Variants in ATP11B observed in about 807,000 individuals in gnomAD.
ATP11B encodes phospholipid-transporting ATPase IF.
A neutral mutation model predicts 157.8 loss-of-function variants in ATP11B; 81 were observed. The ratio of observed to expected loss-of-function variants is 0.51; its 90% confidence interval spans 0.43 to 0.62. The LOEUF (loss-of-function observed/expected upper bound fraction) is 0.62, where lower values mean the gene tolerates loss of function less well. Ranked by LOEUF, ATP11B falls within the 20% of genes least tolerant of loss-of-function variation. The pLI, the probability that ATP11B is intolerant of heterozygous loss-of-function variation, is 0.00. For missense variants in ATP11B, 1,165 were observed against 1,402.2 expected (o/e 0.83, Z 2.70); for synonymous variants, 451 against 469.4 (o/e 0.96, Z 0.51).
At chr3:182,800,004 G>A (rs1234548838) in intron 1 of ATP11B, among the ~76,000 whole-genome samples, 2 of 152,036 alleles carry the variant, frequency 1.3e-5, no homozygotes, top group African/African-American at 4.8e-5. Context: ...CAGCTACTTG[G>A]GAGACTGAGG....
At chr3:182,819,247 T>C (rs1427339599) in intron 1 of ATP11B, among the ~76,000 whole-genome samples, 1 of 151,728 alleles carries the variant, frequency 6.6e-6, no homozygotes, top group Non-Finnish European at 1.5e-5. Context: ...TTTTTTTGTA[T>C]TTTTTAGTAG....
chr3:182,867,479 G>T, intron 15 of ATP11B, 35 bp downstream of exon 15: 1 of 1,360,246 alleles, frequency 7.4e-7, no homozygotes. Flanking sequence ...TGTTTTCTGT[G>T]TTAAGTGTAT....
intron 8 of ATP11B, 72 bp from the exon 9 acceptor site, chr3:182,845,386 G>C (rs1719432280): frequency 1.5e-6 from 2 of 1,300,944 alleles, no homozygotes; most frequent in Non-Finnish European, 2.1e-6. Context: ...ACCTTCTGCT[G>C]AAGATGCCAT....
intron 25 of ATP11B, among the ~76,000 whole-genome samples, chr3:182,895,394 A>G (rs1577091701): frequency 2.6e-5 from 4 of 152,304 alleles, no homozygotes; most frequent in Admixed American, 2.6e-4. Flanking sequence ...CTGATTGCCT[A>G]TTATATACCA....
intron 10 of ATP11B, among the ~76,000 whole-genome samples, chr3:182,851,355 G>C (rs1719963856): frequency 6.6e-6 from 1 of 152,098 alleles, no homozygotes; most frequent in Non-Finnish European, 1.5e-5. Context: ...TTAATTTTGT[G>C]TATTTTTTTT....
chr3:182,853,301 G>A (rs1002622395), intron 10 of ATP11B, among the ~76,000 whole-genome samples: 7 of 152,022 alleles, frequency 4.6e-5, no homozygotes, highest in East Asian at 1.9e-4. Context: ...TCCGCCTCCC[G>A]GGTTCAAGCG....
chr3:182,896,649 C>A, intron 25 of ATP11B, 51 bp from the exon 26 acceptor site: 1 of 1,455,380 alleles, frequency 6.9e-7, no homozygotes. Flanking sequence ...TTTTACCTGA[C>A]ATTTAACATT....
At chr3:182,800,444 T>C (rs1715924792) in intron 1 of ATP11B, among the ~76,000 whole-genome samples, 1 of 151,720 alleles carries the variant, frequency 6.6e-6, no homozygotes, top group African/African-American at 2.4e-5. Context: ...CCCAGGCTGG[T>C]CTCAGACTCC....
intron 28 of ATP11B, among the ~76,000 whole-genome samples, chr3:182,906,314 T>G (rs889134704): frequency 6.6e-6 from 1 of 152,212 alleles, no homozygotes; most frequent in Non-Finnish European, 1.5e-5. Flanking sequence ...TTACCCATCT[T>G]AATATAGTTG....
rs185233479 is a variant in ATP11B, at chr3:182,905,653, G to A, written c.3318+6881G>A. 684 of 381,042 alleles carry A rather than the reference G, an allele frequency of 1.8e-3. 4 individuals are homozygous for A. Among genetic ancestry groups the A allele is most frequent in the Non-Finnish European group, 2.2e-3 (418 of 186,690 alleles). The allele number at this position is 381,042 out of a possible 1,614,324, so 23.6% of individuals were successfully genotyped here. ...AAGAAGTTCCCATTAGCCCTCTTTTGTGACAGTAAATGTACTGTTCTTTGA... is the reference window on the plus strand; with the variant it reads ...AAGAAGTTCCCATTAGCCCTCTTTTATGACAGTAAATGTACTGTTCTTTGA... On this transcript the variant is annotated intron_variant, in intron 28 of 29. Coordinates refer to ENST00000323116, the MANE Select transcript of ATP11B (RefSeq NM_014616.3).
rs373103856 is a variant in ATP11B, at chr3:182,872,506, A to C, written c.2017A>C (p.Ile673Leu). 5.0e-6 allele frequency: 8 copies of C among 1,613,714 alleles called. No homozygotes were observed. The highest frequency in any genetic ancestry group is 2.2e-5 in the South Asian group (2 of 91,022). ...TTTCCAGTTCATAGAGAAAGACCTG[A>C]TATTACTTGGAGCCACAGCAGTAGA... is the stretch of plus-strand genomic sequence containing the variant. ...AVFQFIEKDL[I>L]LLGATAVEDR... The change falls in exon 18 of 30, where the codon ATA becomes CTA. Residue 673 changes from isoleucine to leucine, a missense_variant. Ile to Leu is a conservative substitution (Grantham distance 5, BLOSUM62 2). Around this residue, in one of 4 missense-constraint regions of ATP11B, gnomAD observed 737 missense variants for 930.5 expected, o/e 0.79. Coordinates refer to ENST00000323116, the MANE Select transcript of ATP11B (RefSeq NM_014616.3).
rs145283108 is a variant in ATP11B, at chr3:182,865,569, C to A, written c.1314C>A (p.Pro438=). ...AAGAAATTAATGGTAGACTTGTACCCGAAGGACCAACACCAGACTCTTCAG... is the reference window on the plus strand; with the variant it reads ...AAGAAATTAATGGTAGACTTGTACCAGAAGGACCAACACCAGACTCTTCAG... ...KYQEINGRLV[P]EGPTPDSSEG... The change falls in exon 13 of 30, where the codon CCC becomes CCA. Residue 438 remains proline (P), a synonymous_variant. Transcript: ENST00000323116. 1.9e-6 allele frequency: 3 copies of A among 1,613,746 alleles called. No homozygotes were observed. Among genetic ancestry groups the A allele is most frequent in the African/African-American group, 2.7e-5 (2 of 74,984 alleles).
chr3:182,910,073 G>GAAAAAAAAAAAAAAAAA (rs34483660), intron 28 of ATP11B, among the ~76,000 whole-genome samples: 1 of 63,388 alleles, frequency 1.6e-5, no homozygotes, highest in Non-Finnish European at 3.4e-5. Flanking sequence ...TCGGCCTCCA[G>GAAAAAAAAAAAAAAAAA]AAAAAAAAAA....
intron 25 of ATP11B, among the ~76,000 whole-genome samples, chr3:182,894,291 A>G (rs1723369946): frequency 6.6e-6 from 1 of 152,340 alleles, no homozygotes. Flanking sequence ...CATAGAAGCA[A>G]TTCTCCTGCC....
chr3:182,877,365 C>T (rs981856496), intron 19 of ATP11B, among the ~76,000 whole-genome samples: 1 of 152,156 alleles, frequency 6.6e-6, no homozygotes, highest in Non-Finnish European at 1.5e-5. Flanking sequence ...ATAATCCTGA[C>T]TTACAGGCAC....
chr3:182,884,821 C>G lies in ATP11B; in HGVS notation c.2578C>G (p.Leu860Val). 6.2e-7 allele frequency: 1 copy of G among 1,601,684 alleles called. No homozygotes were observed. The change falls in exon 22 of 30, where the codon CTC becomes GTC. Residue 860 changes from leucine (L) to valine (V), a missense_variant. Coordinates refer to ENST00000323116, the MANE Select transcript of ATP11B (RefSeq NM_014616.3). ...SDYAIARFKF[L>V]SKLLFVHGHF... ...CTATGCAATAGCCAGATTTAAGTTC[C>G]TCTCCAAATTGCTTTTTGTTCATGG... is the stretch of plus-strand genomic sequence containing the variant.
intron 28 of ATP11B, among the ~76,000 whole-genome samples, chr3:182,905,558 AAT>A (rs1342238485): frequency 6.6e-6 from 1 of 152,220 alleles, no homozygotes. Flanking sequence ...ACTTAGCTGT[AAT>A]ATATGTTTAG....
At chr3:182,838,492 G>A (rs1197355127) in intron 7 of ATP11B, among the ~76,000 whole-genome samples, 4 of 151,956 alleles carry the variant, frequency 2.6e-5, no homozygotes, top group Admixed American at 1.3e-4. Context: ...TCTCTTATTG[G>A]AAGTATGTGT....
chr3:182,804,810 A>G (rs61032982), intron 1 of ATP11B, among the ~76,000 whole-genome samples: 18,671 of 152,182 alleles, frequency 0.12, 1,304 homozygotes, highest in African/African-American at 0.19. Context: ...CCCCCAGCCT[A>G]AATCAACCAC....
Sources: allele counts gnomAD v4.1 joint callset (sites outside exome capture counted in the v4.1 genomes callset), GRCh38; gene constraint gnomAD v4.1.1; regional missense constraint gnomAD v4.1.1; transcripts MANE v1.5; gene names NCBI Gene and HGNC (gene_info 2026-07-23, HGNC 2026-07-21).